ERLIN2: variants seen among roughly 807,000 people sequenced by gnomAD.
The protein encoded by ERLIN2 is erlin-2.
Under a neutral mutation model 41.5 loss-of-function variants are expected in ERLIN2, and 22 were observed. That is an observed-to-expected ratio of 0.53 (90% CI 0.38 to 0.76). The LOEUF (loss-of-function observed/expected upper bound fraction) is 0.76. Ranked by LOEUF, ERLIN2 falls within the 30% of genes least tolerant of loss-of-function variation. ERLIN2 has a pLI of 0.00. For missense variants in ERLIN2, 247 were observed against 414.3 expected (o/e 0.60, Z 3.51); for synonymous variants, 149 against 150.9 (o/e 0.99, Z 0.09).
At chr8:37,749,046 T>TG (rs1465992554) in intron 6 of ERLIN2, among the ~76,000 whole-genome samples, 1 of 152,232 alleles carries the variant, frequency 6.6e-6, no homozygotes, top group Non-Finnish European at 1.5e-5. Context: ...CAGTCTTCCT[T>TG]GGGGCTCTCC....
At chr8:37,744,825 C>A (rs1255264527) in intron 6 of ERLIN2, 129 bp downstream of exon 6, 1 of 1,036,236 alleles carries the variant, frequency 9.7e-7, no homozygotes, top group Admixed American at 1.9e-5. Flanking sequence ...GTTAAAGAAT[C>A]TTGTGCTCAG....
In ERLIN2 at chr8:37,743,065, CA is replaced by C. The variant is rs754736732; in HGVS notation, c.236+1250del. ...AGAATACCACAAAGAAACACTCTGA[CA>C]AATCCGGAATTGGAACATCCCACAA... On this transcript the variant is annotated intron_variant, in intron 4 of 11. Transcript: ENST00000519638. Among the ~76,000 whole-genome samples, 26 of 152,188 alleles carry C rather than the reference CA, an allele frequency of 1.7e-4. 1 individual carries two copies. Among genetic ancestry groups the C allele is most frequent in the Non-Finnish European group, 3.7e-4 (25 of 68,038 alleles).
intron 6 of ERLIN2, chr8:37,747,255 C>G (rs1803081824): frequency 2.6e-6 from 2 of 772,750 alleles, no homozygotes; most frequent in African/African-American, 1.7e-5. Flanking sequence ...TAAATAGGAA[C>G]CAGTCTATGT....
At chr8:37,745,770 A>T in intron 6 of ERLIN2, 2 of 1,478,830 alleles carry the variant, frequency 1.4e-6, no homozygotes, top group Non-Finnish European at 1.8e-6. Flanking sequence ...TTCATTTTAT[A>T]GGGTTTGTAG....
intron 6 of ERLIN2, chr8:37,747,828 A>G (rs1416257461): frequency 6.2e-7 from 1 of 1,614,176 alleles, no homozygotes. Flanking sequence ...TGGCAGCATC[A>G]ATCACACGGG....
At chr8:37,748,067 C>G (rs893125316) in intron 6 of ERLIN2, 2 of 1,378,590 alleles carry the variant, frequency 1.5e-6, no homozygotes, top group African/African-American at 2.8e-5. Flanking sequence ...AATGACGTCA[C>G]GAGCGCGCCT....
chr8:37,741,014 G>A lies in ERLIN2; in HGVS notation c.189+568G>A, dbSNP rs1191591987. ...GGGATACCTGCTAGGCATTTTCCCT[G>A]TAAGTTTCATGTGCTGTTTACCAGG... On this transcript the variant is annotated intron_variant, in intron 3 of 11. Coordinates refer to ENST00000519638, the MANE Select transcript of ERLIN2 (RefSeq NM_007175.8). This position sits in a 1 kb window ranked among gnomAD's most constrained non-coding sequence, Gnocchi z 4.8. Among the ~76,000 whole-genome samples the A allele has an allele frequency of 6.6e-6, 1 of 152,198 alleles. No individual in the cohort carries two copies. Among genetic ancestry groups the A allele is most frequent in the Admixed American group, 6.5e-5 (1 of 15,276 alleles).
intron 10 of ERLIN2, 100 bp from the exon 11 acceptor site, chr8:37,753,350 T>G (rs771804192): frequency 1.4e-5 from 14 of 976,166 alleles, no homozygotes; most frequent in African/African-American, 3.2e-5. Flanking sequence ...AGGGGCGAAG[T>G]TCCAGGGACC....
intron 2 of ERLIN2, 131 bp downstream of exon 2, chr8:37,738,160 G>A: frequency 9.9e-7 from 1 of 1,006,234 alleles, no homozygotes; most frequent in South Asian, 1.3e-5. Context: ...TTTTCAGATG[G>A]AGCTTTTTAT....
intron 10 of ERLIN2, among the ~76,000 whole-genome samples, chr8:37,752,239 G>C (rs1803236414): frequency 6.6e-6 from 1 of 152,176 alleles, no homozygotes. Context: ...TGGCTTTTCT[G>C]AATATCATTC....
chr8:37,753,857 C>T (rs1803290453), intron 11 of ERLIN2, 58 bp from the exon 12 acceptor site: 2 of 1,462,026 alleles, frequency 1.4e-6, no homozygotes, highest in Admixed American at 1.7e-5. Flanking sequence ...GGCACCACTC[C>T]CCTCCTTCTC....
At position 37,744,593 on chromosome 8, in the gene ERLIN2, T is replaced by C. The variant is rs1802972513; in HGVS notation, c.321T>C (p.Tyr107=). 3.1e-6 allele frequency: 5 copies of C among 1,614,160 alleles called. No individual in the cohort carries two copies. The highest frequency in any genetic ancestry group is 4.2e-6 in the Non-Finnish European group (5 of 1,180,006). The change falls in exon 6 of 12, where the codon TAT becomes TAC. Residue 107 remains tyrosine (Y), a synonymous_variant. Transcript: ENST00000519638. ...PNAVYDIVKN[Y]TADYDKALIF... ...CAGTGTATGATATAGTGAAGAACTATACTGCTGACTATGACAAGGCCCTCA... is the reference window on the plus strand; with the variant it reads ...CAGTGTATGATATAGTGAAGAACTACACTGCTGACTATGACAAGGCCCTCA...
chr8:37,744,488 A>G, intron 5 of ERLIN2, 72 bp downstream of exon 5: 3 of 1,610,084 alleles, frequency 1.9e-6, no homozygotes, highest in Non-Finnish European at 2.6e-6. Flanking sequence ...CTGTTGTAGC[A>G]CCTTGGAAAA....
Sources: gnomAD v4.1 joint callset for allele counts (sites outside exome capture counted in the v4.1 genomes callset) on GRCh38, gnomAD v4.1.1 for gene constraint, Gnocchi (gnomAD v3.1) non-coding constraint, MANE v1.5 for transcripts, NCBI Gene and HGNC (gene_info 2026-07-23, HGNC 2026-07-21) for gene names.